Variants in ARHGAP29 observed in about 807,000 individuals in gnomAD.
ARHGAP29 encodes Rho GTPase activating protein 29, also known as rho GTPase-activating protein 29.
Under a neutral mutation model 122.6 loss-of-function variants are expected in ARHGAP29, and 43 were observed. The ratio of observed to expected loss-of-function variants is 0.35; its 90% CI spans 0.27 to 0.45. The LOEUF is 0.45. Ranked by LOEUF, ARHGAP29 falls within the 20% of genes least tolerant of loss-of-function variation. The pLI, the probability that ARHGAP29 is intolerant of heterozygous loss-of-function variation, is 1.00. For missense variants in ARHGAP29, 1,303 were observed against 1,477.2 expected (o/e 0.88, Z 1.93); for synonymous variants, 506 against 497.1 (o/e 1.02, Z -0.24).
upstream of ARHGAP29, among the ~76,000 whole-genome samples, chr1:94,241,300 T>A (rs751676433): frequency 3.3e-5 from 5 of 151,954 alleles, no homozygotes; most frequent in Non-Finnish European, 7.4e-5. Flanking sequence ...GAAAGAAAAA[T>A]CTCTAGATTA....
At position 94,174,715 on chromosome 1, in the gene ARHGAP29, T is replaced by C; in HGVS notation, c.2940A>G (p.Glu980=). The C allele has an allele frequency of 6.2e-7, 1 of 1,614,098 alleles. No individual in the cohort carries two copies. The highest frequency in any genetic ancestry group is 1.1e-5 in the South Asian group (1 of 91,064). ...KAQLLLDQEA[E]SASQKIEDGK... is the part of the protein sequence containing the mutation. ...CATCTTCTATCTTTTGGGATGCTGA[T>C]TCAGCCTCTTGGTCTAGAAGCAACT... The change falls in exon 23 of 23, where the codon GAA becomes GAG. Residue 980 remains glutamate, a synonymous_variant. Transcript: ENST00000260526.
At chr1:94,307,434 T>C in the ARHGAP29 span, among the ~76,000 whole-genome samples, 2 of 152,238 alleles carry the variant, frequency 1.3e-5, no homozygotes, top group African/African-American at 4.8e-5. Context: ...AATGGGATTT[T>C]ATAATGGAAT....
Position 94,185,994 on chromosome 1 carries a change from C to A in ARHGAP29, c.1780+505G>T, listed in dbSNP as rs558594711. On this transcript the variant is annotated intron_variant, in intron 16 of 22. Coordinates refer to ENST00000260526, the MANE Select transcript of ARHGAP29 (RefSeq NM_004815.4). ...ATTCCATTAATTTAGGAAATGATGC[C>A]AAACCAGGTATCTGTAGGCATTAAA... is the stretch of plus-strand genomic sequence containing the variant. Among the ~76,000 whole-genome samples, 152 of 152,138 alleles carry A rather than the reference C, an allele frequency of 1.0e-3. 1 individual carries two copies. The highest frequency in any genetic ancestry group is 3.4e-3 in the African/African-American group (140 of 41,510).
intron 1 of ARHGAP29, among the ~76,000 whole-genome samples, chr1:94,264,401 C>T (rs1375409026): frequency 1.3e-5 from 2 of 152,088 alleles, no homozygotes; most frequent in Non-Finnish European, 2.9e-5. Flanking sequence ...GGAAGAACAT[C>T]AACAGCCCTC....
In ARHGAP29 at chr1:94,196,250, G is replaced by GTTTTT. The variant is rs1557852105; in HGVS notation, c.1281+5465_1281+5469dup. On this transcript the variant is annotated intron_variant, in intron 12 of 22. Coordinates refer to ENST00000260526, the MANE Select transcript of ARHGAP29 (RefSeq NM_004815.4). ...CAGCTTTTAGTTTCGATTTTTCCGT[G>GTTTTT]TTTTTCTTTTTTTTTTTTTTTTTTT... Among the ~76,000 whole-genome samples, 21 of 39,074 alleles carry GTTTTT rather than the reference G, an allele frequency of 5.4e-4. 1 individual carries two copies. Among genetic ancestry groups the GTTTTT allele is most frequent in the African/African-American group, 1.3e-3 (18 of 13,856 alleles). 25.6% of individuals were successfully genotyped at this position (39,074 alleles called of 152,430 possible). A position where few individuals can be genotyped will look rare whatever the true frequency, so the allele number is the denominator to read the frequency against.
At chr1:94,292,907 C>T in the ARHGAP29 span, among the ~76,000 whole-genome samples, 6 of 152,164 alleles carry the variant, frequency 3.9e-5, no homozygotes, top group East Asian at 3.9e-4. Context: ...TCAGGCTACA[C>T]GGGGGTCTGG....
chr1:94,240,557 G>C (rs1653535711), upstream of ARHGAP29, among the ~76,000 whole-genome samples: 1 of 152,146 alleles, frequency 6.6e-6, no homozygotes, highest in South Asian at 2.1e-4. Flanking sequence ...CAGAAAAAAA[G>C]AGTAAAACCA....
chr1:94,283,632 C>T, the ARHGAP29 span, among the ~76,000 whole-genome samples: 1 of 152,088 alleles, frequency 6.6e-6, no homozygotes, highest in African/African-American at 2.4e-5. Flanking sequence ...ATTATTATTG[C>T]ACTCAGTTTT....
At chr1:94,280,216 G>A in the ARHGAP29 span, among the ~76,000 whole-genome samples, 1 of 152,008 alleles carries the variant, frequency 6.6e-6, no homozygotes, top group Non-Finnish European at 1.5e-5. Context: ...TTAACAAGAG[G>A]ACACAAGTGA....
At chr1:94,201,696 CAA>C in intron 12 of ARHGAP29, 22 bp downstream of exon 12, 1 of 1,612,566 alleles carries the variant, frequency 6.2e-7, no homozygotes, top group East Asian at 2.2e-5. Flanking sequence ...TTCTTGCCTT[CAA>C]AATACTGAAG....
the ARHGAP29 span, among the ~76,000 whole-genome samples, chr1:94,282,431 G>A: frequency 2.0e-3 from 306 of 151,842 alleles, 1 homozygote; most frequent in African/African-American, 7.1e-3. Flanking sequence ...GACTAAAGGC[G>A]CATGTCACCA....
At chr1:94,180,019 T>A in intron 19 of ARHGAP29, 62 bp from the exon 20 acceptor site, 1 of 1,099,206 alleles carries the variant, frequency 9.1e-7, no homozygotes, top group South Asian at 1.5e-5. Context: ...AATCAACTAT[T>A]ACTAACAGTT....
upstream of ARHGAP29, among the ~76,000 whole-genome samples, chr1:94,240,116 C>A (rs1205241193): frequency 1.3e-5 from 2 of 152,158 alleles, no homozygotes; most frequent in African/African-American, 4.8e-5. Context: ...ATTCTCAACA[C>A]CCCCTAAACC....
At chr1:94,244,654 A>G (rs1207246826) in intron 1 of ARHGAP29, among the ~76,000 whole-genome samples, 1 of 152,108 alleles carries the variant, frequency 6.6e-6, no homozygotes, top group Non-Finnish European at 1.5e-5. Flanking sequence ...ACTTAAAAAA[A>G]AATCTTAAGA....
At chr1:94,174,927 T>G (rs1648998078) in intron 22 of ARHGAP29, among the ~76,000 whole-genome samples, 178 bp from the exon 23 acceptor site, 1 of 152,202 alleles carries the variant, frequency 6.6e-6, no homozygotes, top group African/African-American at 2.4e-5. Flanking sequence ...AGGTGTATAT[T>G]GAATTTAAAA....
At chr1:94,234,693 C>T (rs544652905) in intron 1 of ARHGAP29, among the ~76,000 whole-genome samples, 3 of 152,294 alleles carry the variant, frequency 2.0e-5, no homozygotes, top group East Asian at 3.9e-4. Context: ...AGTCTTCCTT[C>T]CCATCAACAA....
Position 94,174,564 on chromosome 1 carries a change from G to C in ARHGAP29, c.3091C>G (p.Pro1031Ala). 1 of 1,614,148 alleles carries C rather than the reference G, an allele frequency of 6.2e-7. No homozygotes were observed. The highest frequency in any genetic ancestry group is 1.6e-4 in the Middle Eastern group (1 of 6,062). Residue 1031 changes from proline (P) to alanine (A), a missense_variant, in exon 23 of 23, where the codon CCT (proline) becomes GCT (alanine). Physicochemically the swap from Pro to Ala is conservative, Grantham distance 27 (BLOSUM62 -1). Around this residue, in one of 3 missense-constraint regions of ARHGAP29, gnomAD observed 620 missense variants for 651.2 expected, o/e 0.95. Coordinates refer to ENST00000260526, the MANE Select transcript of ARHGAP29 (RefSeq NM_004815.4). Reference protein sequence around the residue: ...PVDRLLLASPPNERNGRNMGN... With the variant: ...PVDRLLLASPANERNGRNMGN... ...ATATTTCTGCCATTTCTCTCATTAG[G>C]AGGACTTGCAAGAAGTAGTCTATCT...
upstream of ARHGAP29, among the ~76,000 whole-genome samples, chr1:94,241,645 T>C (rs147446545): frequency 5.8e-3 from 827 of 143,474 alleles, 5 homozygotes; most frequent in African/African-American, 0.019. Context: ...TATATAATTA[T>C]ATATATATCT....
At chr1:94,300,338 C>T in the ARHGAP29 span, among the ~76,000 whole-genome samples, 112 of 152,276 alleles carry the variant, frequency 7.4e-4, 1 homozygote, top group African/African-American at 2.6e-3. Flanking sequence ...CTCTAAGAGC[C>T]CTAAGTAGCT....
Sources: gnomAD v4.1 joint callset for allele counts (sites outside exome capture counted in the v4.1 genomes callset) on GRCh38, gnomAD v4.1.1 for gene constraint, gnomAD v4.1.1 regional missense constraint, MANE v1.5 for transcripts, NCBI Gene and HGNC (gene_info 2026-07-23, HGNC 2026-07-21) for gene names.